The following PARP8 variants were observed in gnomAD, a reference collection of about 807,000 sequenced individuals.
PARP8 encodes protein mono-ADP-ribosyltransferase PARP8.
PARP8 carries 51 observed loss-of-function variants against 124.1 expected under a neutral mutation model. The ratio of observed to expected loss-of-function variants is 0.41; its 90% CI spans 0.33 to 0.52. The LOEUF is 0.52. PARP8 is among the 20% of genes least tolerant of loss of function. The probability of loss-of-function intolerance (pLI) is 0.21; values close to 1 mark genes in which losing one functional copy is unlikely to be tolerated. For missense variants in PARP8, 860 were observed against 1,018.9 expected (o/e 0.84, Z 2.12); for synonymous variants, 391 against 361.5 (o/e 1.08, Z -0.93).
intron 3 of PARP8, among the ~76,000 whole-genome samples, chr5:50,759,111 G>T (rs1279485740): frequency 3.3e-5 from 5 of 152,018 alleles, no homozygotes; most frequent in African/African-American, 7.2e-5. Context: ...AGAGATGGGG[G>T]TTTCACCATG....
intron 12 of PARP8, among the ~76,000 whole-genome samples, 192 bp downstream of exon 12, chr5:50,795,609 G>GA (rs925216941): frequency 2.0e-5 from 3 of 151,470 alleles, no homozygotes; most frequent in Admixed American, 6.6e-5. Context: ...CTTTGGTTCT[G>GA]AAAAAAAATA....
chr5:50,690,869 A>G (rs1198755287), intron 2 of PARP8, among the ~76,000 whole-genome samples: 16 of 152,206 alleles, frequency 1.1e-4, no homozygotes, highest in Non-Finnish European at 2.4e-4. Flanking sequence ...TCTCCCTATT[A>G]TCCATAGTAG....
intron 25 of PARP8, among the ~76,000 whole-genome samples, chr5:50,835,343 G>C (rs145222831): frequency 1.5e-4 from 23 of 152,264 alleles, no homozygotes; most frequent in African/African-American, 5.3e-4. Flanking sequence ...AGGAGTTTGA[G>C]ACCAGCCTGG....
At chr5:50,762,328 G>C (rs954344386) in intron 6 of PARP8, among the ~76,000 whole-genome samples, 17 of 151,932 alleles carry the variant, frequency 1.1e-4, no homozygotes, top group Non-Finnish European at 1.0e-4. Context: ...TTGTTTATTT[G>C]TATTCACTGC....
At chr5:50,775,824 G>A (rs149907799) in intron 7 of PARP8, among the ~76,000 whole-genome samples, 83 of 151,954 alleles carry the variant, frequency 5.5e-4, no homozygotes, top group Middle Eastern at 3.4e-3. Flanking sequence ...TTATATATAC[G>A]ATCATGTCAT....
At chr5:50,823,565 A>T (rs1012466271) in intron 17 of PARP8, among the ~76,000 whole-genome samples, 1 of 152,248 alleles carries the variant, frequency 6.6e-6, no homozygotes, top group African/African-American at 2.4e-5. Context: ...AAACAATAAA[A>T]TGTATTTCCA....
At chr5:50,713,449 CA>C (rs1754984203) in intron 2 of PARP8, among the ~76,000 whole-genome samples, 1 of 151,928 alleles carries the variant, frequency 6.6e-6, no homozygotes, top group Non-Finnish European at 1.5e-5. Flanking sequence ...CCTTGTTGCC[CA>C]GGCTGACCTT....
At chr5:50,674,675 C>T (rs1198867914) in intron 2 of PARP8, among the ~76,000 whole-genome samples, 1 of 152,198 alleles carries the variant, frequency 6.6e-6, no homozygotes, top group Admixed American at 6.5e-5. Flanking sequence ...CTAACATCTA[C>T]ATGCTTCTGT....
intron 1 of PARP8, 106 bp downstream of exon 1, chr5:50,667,292 C>A: frequency 8.3e-7 from 1 of 1,209,140 alleles, no homozygotes; most frequent in Non-Finnish European, 1.2e-6. Context: ...CGTCCCCATT[C>A]TGGGGTTCAT....
At chr5:50,795,675 A>G (rs915919664) in intron 12 of PARP8, among the ~76,000 whole-genome samples, 16 of 152,334 alleles carry the variant, frequency 1.1e-4, no homozygotes, top group Non-Finnish European at 1.9e-4. Context: ...AACAAATGCT[A>G]CTAAAATCAG....
intron 2 of PARP8, among the ~76,000 whole-genome samples, chr5:50,694,170 A>G (rs1474066559): frequency 3.3e-5 from 5 of 152,110 alleles, no homozygotes; most frequent in South Asian, 2.1e-4. Flanking sequence ...GCACTTGTCT[A>G]TTTACTCATA....
At chr5:50,762,890 T>C (rs1323470127) in intron 6 of PARP8, among the ~76,000 whole-genome samples, 2 of 152,246 alleles carry the variant, frequency 1.3e-5, no homozygotes, top group Admixed American at 1.3e-4. Context: ...AGAAGTTTTT[T>C]AGATTATCTG....
At chr5:50,721,749 G>A (rs1755910312) in intron 2 of PARP8, among the ~76,000 whole-genome samples, 1 of 151,958 alleles carries the variant, frequency 6.6e-6, no homozygotes, top group Non-Finnish European at 1.5e-5. Flanking sequence ...AGCTAGAAAA[G>A]GTGAGTGAAT....
intron 2 of PARP8, among the ~76,000 whole-genome samples, chr5:50,677,781 A>G (rs924744785): frequency 2.0e-5 from 3 of 152,186 alleles, no homozygotes; most frequent in Admixed American, 6.5e-5. Flanking sequence ...GTATGGCGAT[A>G]GTTTTCATAA....
intron 25 of PARP8, among the ~76,000 whole-genome samples, chr5:50,836,194 AC>A (rs1272077436): frequency 6.6e-6 from 1 of 152,124 alleles, no homozygotes; most frequent in Non-Finnish European, 1.5e-5. Context: ...TTCTTTCTTA[AC>A]AGTGAGGCAG....
chr5:50,771,278 G>T (rs1761605814), intron 7 of PARP8, among the ~76,000 whole-genome samples: 1 of 152,068 alleles, frequency 6.6e-6, no homozygotes, highest in Non-Finnish European at 1.5e-5. Flanking sequence ...TCCTTTGTCA[G>T]CCTCCTGAGT....
intron 2 of PARP8, among the ~76,000 whole-genome samples, chr5:50,732,867 C>T (rs1053243723): frequency 1.1e-4 from 17 of 151,996 alleles, no homozygotes; most frequent in South Asian, 6.2e-4. Context: ...ATCTGCCAGC[C>T]TTGGCCTCCC....
At chr5:50,722,098 TATA>T (rs1283589279) in intron 2 of PARP8, among the ~76,000 whole-genome samples, 5 of 152,212 alleles carry the variant, frequency 3.3e-5, no homozygotes, top group African/African-American at 1.2e-4. Flanking sequence ...AATGTTTTAT[TATA>T]ATATTTGAAG....
In PARP8 at chr5:50,788,466, G is replaced by A. The variant is rs542393267; in HGVS notation, c.671-57G>A. The A allele has an allele frequency of 6.0e-6, 9 of 1,499,708 alleles. No individual in the cohort carries two copies. The African/African-American group carries it at 9.7e-5, about 16-fold the overall frequency. The allele number at this position is 1,499,708 out of a possible 1,614,324, so 92.9% of individuals were successfully genotyped here. ...ATGCGATTTCAACCTTTTTCTGGCT[G>A]ATGGTTGAGTTTCAGTTTCAAGTCA... On this transcript the variant is annotated intron_variant, in intron 9 of 25. Coordinates refer to ENST00000281631, the MANE Select transcript of PARP8 (RefSeq NM_024615.4).
Sources: allele counts gnomAD v4.1 joint callset (sites outside exome capture counted in the v4.1 genomes callset), GRCh38; gene constraint gnomAD v4.1.1; transcripts MANE v1.5; gene names NCBI Gene and HGNC (gene_info 2026-07-23, HGNC 2026-07-21).